The following GPR137B variants were observed in gnomAD, a reference collection of about 807,000 sequenced individuals.
The protein encoded by GPR137B is integral membrane protein GPR137B.
GPR137B carries 42 observed loss-of-function variants against 42.5 expected under a neutral mutation model. That is an observed-to-expected ratio of 0.99 (90% CI 0.77 to 1.28). The LOEUF is 1.28. Among genes scored for constraint, GPR137B ranks in the 50% most tolerant of loss-of-function variants. GPR137B has a pLI of 0.00. For synonymous variants in GPR137B, 218 were observed against 209.7 expected, an observed-to-expected ratio of 1.04 and a Z score of -0.34; for missense variants, 487 against 493.9, an observed-to-expected ratio of 0.99 and a Z score of 0.13.
At chr1:236,161,661 G>A (rs1662206986) in intron 1 of GPR137B, among the ~76,000 whole-genome samples, 1 of 152,150 alleles carries the variant, frequency 6.6e-6, no homozygotes, top group African/African-American at 2.4e-5. Context: ...TGAATCATGG[G>A]GGCTGGTCTT....
At chr1:236,147,619 C>T (rs1289054749) in intron 1 of GPR137B, among the ~76,000 whole-genome samples, 1 of 152,172 alleles carries the variant, frequency 6.6e-6, no homozygotes, top group African/African-American at 2.4e-5. Flanking sequence ...GTAAAAATCC[C>T]AGGTGGAAGC....
At chr1:236,154,781 T>A (rs574493202) in intron 1 of GPR137B, among the ~76,000 whole-genome samples, 1 of 152,276 alleles carries the variant, frequency 6.6e-6, no homozygotes, top group Admixed American at 6.5e-5. Flanking sequence ...TTGCATCGTT[T>A]GCCAGCAAGG....
intron 6 of GPR137B, 67 bp downstream of exon 6, chr1:236,205,317 C>G: frequency 9.2e-6 from 13 of 1,408,518 alleles, no homozygotes; most frequent in Non-Finnish European, 1.2e-5. Flanking sequence ...TAAATAGATT[C>G]AAGCTAAAAG....
chr1:236,159,389 G>T (rs1558481324), intron 1 of GPR137B, among the ~76,000 whole-genome samples: 1 of 152,106 alleles, frequency 6.6e-6, no homozygotes, highest in Non-Finnish European at 1.5e-5. Context: ...AAATAGGCTT[G>T]GCGGGGTGGC....
intron 1 of GPR137B, among the ~76,000 whole-genome samples, chr1:236,145,232 C>T (rs1377885577): frequency 2.0e-5 from 3 of 152,170 alleles, no homozygotes; most frequent in Admixed American, 6.5e-5. Context: ...GCCAACCCAG[C>T]TCTGCCTCCC....
At chr1:236,169,548 C>T (rs1662471543) in intron 2 of GPR137B, among the ~76,000 whole-genome samples, 1 of 152,180 alleles carries the variant, frequency 6.6e-6, no homozygotes, top group South Asian at 2.1e-4. Context: ...GCAGGATGTG[C>T]AACATGCCAA....
chr1:236,180,390 T>G (rs1320907213), intron 4 of GPR137B, among the ~76,000 whole-genome samples: 2 of 152,174 alleles, frequency 1.3e-5, no homozygotes, highest in African/African-American at 4.8e-5. Context: ...TGCATTTCAG[T>G]GGTTCACATG....
At chr1:236,167,318 G>C (rs1662389679) in intron 1 of GPR137B, among the ~76,000 whole-genome samples, 1 of 152,156 alleles carries the variant, frequency 6.6e-6, no homozygotes, top group South Asian at 2.1e-4. Flanking sequence ...ACAATACATT[G>C]TTACTGACTG....
At chr1:236,158,764 A>G (rs1258256801) in intron 1 of GPR137B, among the ~76,000 whole-genome samples, 1 of 152,216 alleles carries the variant, frequency 6.6e-6, no homozygotes, top group African/African-American at 2.4e-5. Flanking sequence ...TAGGGGGATT[A>G]TGAAGTGTCC....
intron 1 of GPR137B, among the ~76,000 whole-genome samples, chr1:236,157,467 CCT>C (rs1662066683): frequency 6.6e-6 from 1 of 152,184 alleles, no homozygotes; most frequent in Non-Finnish European, 1.5e-5. Context: ...TCATGATCCG[CCT>C]CCCCCACCTC....
intron 1 of GPR137B, among the ~76,000 whole-genome samples, chr1:236,153,012 C>A (rs527776021): frequency 6.6e-6 from 1 of 150,466 alleles, no homozygotes. Flanking sequence ...GCCGAGATGA[C>A]ACCACTGCAC....
intron 5 of GPR137B, 27 bp from the exon 6 acceptor site, chr1:236,205,099 A>G: frequency 1.2e-6 from 2 of 1,600,982 alleles, no homozygotes; most frequent in Non-Finnish European, 1.7e-6. Flanking sequence ...GTCTGTAAGT[A>G]TGCTGAATGA....
chr1:236,199,657 T>C lies in GPR137B; in HGVS notation c.967-5469T>C, dbSNP rs991902663. Among the ~76,000 whole-genome samples the C allele has an allele frequency of 6.6e-5, 10 of 150,906 alleles. No individual in the cohort carries two copies. In the East Asian group the frequency reaches 1.9e-3, roughly 29 times the overall value. Reference sequence around the variant, plus strand: ...TTTCTAGTTTCTGTAAAGGTGTTCGTAGTAACCTTGAATGATCTTTTGTAT... The same window carrying C: ...TTTCTAGTTTCTGTAAAGGTGTTCGCAGTAACCTTGAATGATCTTTTGTAT... On this transcript the variant is annotated intron_variant, in intron 5 of 6. Transcript: ENST00000366592.
At chr1:236,151,714 G>A (rs189009706) in intron 1 of GPR137B, among the ~76,000 whole-genome samples, 3 of 152,130 alleles carry the variant, frequency 2.0e-5, no homozygotes, top group Non-Finnish European at 2.9e-5. Flanking sequence ...GAGCCACTGC[G>A]CCCGGCCTCC....
At chr1:236,161,516 T>TCATGCCTCCCACTCACACCTC (rs1662196502) in intron 1 of GPR137B, among the ~76,000 whole-genome samples, 9 of 87,690 alleles carry the variant, frequency 1.0e-4, no homozygotes, top group African/African-American at 7.1e-4. Flanking sequence ...ACTCACACCT[T>TCATGCCTCCCACTCACACCTC]CTCACGCCTC....
In GPR137B at chr1:236,208,181, C is replaced by T. The variant is rs374021640; in HGVS notation, c.*23C>T. The T allele has an allele frequency of 1.3e-4, 211 of 1,610,002 alleles. 1 individual carries two copies. In the South Asian group the frequency reaches 1.8e-3, roughly 13 times the overall value. ...TAGCATCAGTTAACAGTTTTATGGA[C>T]GATTCCTCAGATGAAAAGCTTCAGA... is the stretch of plus-strand genomic sequence containing the variant. On this transcript the variant is annotated 3_prime_UTR_variant, in exon 7 of 7. Transcript: ENST00000366592.
chr1:236,150,189 G>T lies in GPR137B; in HGVS notation c.414+7153G>T, dbSNP rs760885883. ...TGTGTGCCCGTTTGTGTTTGTGTGTGTCTGTGTGCCTGTGTGTGTGTCTGT... is the reference window on the plus strand; with the variant it reads ...TGTGTGCCCGTTTGTGTTTGTGTGTTTCTGTGTGCCTGTGTGTGTGTCTGT... On this transcript the variant is annotated intron_variant, in intron 1 of 6. Transcript: ENST00000366592. This position sits in a 1 kb window ranked among gnomAD's most constrained non-coding sequence, Gnocchi z 6.2. Among the ~76,000 whole-genome samples, 2 of 149,958 alleles carry T rather than the reference G, an allele frequency of 1.3e-5. No individual in the cohort carries two copies. Among genetic ancestry groups the T allele is most frequent in the Non-Finnish European group, 3.0e-5 (2 of 67,538 alleles).
At chr1:236,199,207 C>G (rs1477006857) in intron 5 of GPR137B, among the ~76,000 whole-genome samples, 1 of 152,090 alleles carries the variant, frequency 6.6e-6, no homozygotes, top group East Asian at 1.9e-4. Flanking sequence ...CATTTATTGA[C>G]TCATGTATGT....
At position 236,205,075 on chromosome 1, in the gene GPR137B, G is replaced by T. The variant is rs746912133; in HGVS notation, c.967-51G>T. 6 of 1,519,742 alleles carry T rather than the reference G, an allele frequency of 3.9e-6. No individual in the cohort carries two copies. The South Asian group carries it at 5.8e-5, about 15-fold the overall frequency. The allele number at this position is 1,519,742 out of a possible 1,614,324, so 94.1% of individuals were successfully genotyped here. On this transcript the variant is annotated intron_variant, in intron 5 of 6. Coordinates refer to ENST00000366592, the MANE Select transcript of GPR137B (RefSeq NM_003272.4). ...AAGAAAGAGATCTTATTTTTGTCTGGTGCAAGGCATGATGTCTGTAAGTAT... is the reference window on the plus strand; with the variant it reads ...AAGAAAGAGATCTTATTTTTGTCTGTTGCAAGGCATGATGTCTGTAAGTAT...
Sources: allele counts gnomAD v4.1 joint callset (sites outside exome capture counted in the v4.1 genomes callset), GRCh38; gene constraint gnomAD v4.1.1; non-coding constraint Gnocchi (gnomAD v3.1); transcripts MANE v1.5; gene names NCBI Gene and HGNC (gene_info 2026-07-23, HGNC 2026-07-21).